Variants in EEIG2 observed in about 807,000 individuals in gnomAD.
EEIG2 encodes family with sequence similarity 102 member B.
At chr1:108,615,786 TAAAA>T in the EEIG2 span, among the ~76,000 whole-genome samples, 1 of 114,532 alleles carries the variant, frequency 8.7e-6, no homozygotes, top group African/African-American at 3.2e-5. Flanking sequence ...TCTCAAGAAT[TAAAA>T]AAAAAAAAAA....
the EEIG2 span, chr1:108,560,669 G>A: frequency 3.7e-6 from 5 of 1,351,510 alleles, no homozygotes; most frequent in African/African-American, 1.5e-5. Context: ...CCTAGGGACC[G>A]CTCTAAAATC....
At chr1:108,571,908 G>GT in the EEIG2 span, among the ~76,000 whole-genome samples, 3 of 152,018 alleles carry the variant, frequency 2.0e-5, no homozygotes, top group Non-Finnish European at 4.4e-5. Context: ...CCATTTCTCT[G>GT]TATCTTTGAT....
the EEIG2 span, among the ~76,000 whole-genome samples, chr1:108,567,156 A>G: frequency 1.7e-3 from 266 of 152,262 alleles, no homozygotes; most frequent in African/African-American, 6.0e-3. Flanking sequence ...TTAAGTAATT[A>G]AAATAAAAAA....
chr1:108,618,778 A>C, the EEIG2 span, among the ~76,000 whole-genome samples: 3 of 151,404 alleles, frequency 2.0e-5, no homozygotes, highest in Non-Finnish European at 4.4e-5. Flanking sequence ...TGGAGGTTGC[A>C]GTGAGCCAAG....
At chr1:108,610,539 G>A in the EEIG2 span, among the ~76,000 whole-genome samples, 1 of 152,208 alleles carries the variant, frequency 6.6e-6, no homozygotes, top group African/African-American at 2.4e-5. Context: ...CACTGATAAT[G>A]TGTGATCATT....
the EEIG2 span, among the ~76,000 whole-genome samples, chr1:108,574,499 C>T: frequency 6.6e-6 from 1 of 152,194 alleles, no homozygotes; most frequent in African/African-American, 2.4e-5. Context: ...GCCTGTAATC[C>T]CAGCACTTTG....
chr1:108,565,390 T>G, the EEIG2 span, among the ~76,000 whole-genome samples: 1 of 152,254 alleles, frequency 6.6e-6, no homozygotes, highest in Non-Finnish European at 1.5e-5. Flanking sequence ...TTGACCAAAA[T>G]GTCCTCATGC....
At chr1:108,636,865 A>T in the EEIG2 span, 3 of 152,186 alleles carry the variant, frequency 2.0e-5, no homozygotes, top group Non-Finnish European at 4.4e-5. Flanking sequence ...AGATATGAAG[A>T]TATTATTTAG....
chr1:108,606,285 A>G, the EEIG2 span: 1 of 1,477,784 alleles, frequency 6.8e-7, no homozygotes, highest in Non-Finnish European at 9.2e-7. Context: ...GTTTTGGAAC[A>G]TGTAATGTTG....
chr1:108,579,284 G>A, the EEIG2 span, among the ~76,000 whole-genome samples: 2 of 25,620 alleles, frequency 7.8e-5, no homozygotes, highest in African/African-American at 1.6e-4. Context: ...GGCAGTGGTT[G>A]CAATCCTAGT....
chr1:108,560,652 G>A, the EEIG2 span: 1 of 1,475,398 alleles, frequency 6.8e-7, no homozygotes, highest in African/African-American at 1.4e-5. Flanking sequence ...CCATTTGCTC[G>A]CCTTTCCCTA....
chr1:108,569,470 G>A, the EEIG2 span, among the ~76,000 whole-genome samples: 3 of 152,180 alleles, frequency 2.0e-5, no homozygotes, highest in African/African-American at 7.2e-5. Context: ...GGGGCTACAG[G>A]TGTGTGCCAC....
At chr1:108,609,734 C>A in the EEIG2 span, among the ~76,000 whole-genome samples, 1 of 152,120 alleles carries the variant, frequency 6.6e-6, no homozygotes, top group Non-Finnish European at 1.5e-5. Flanking sequence ...CCAAGAGGAA[C>A]GAGATCATGA....
At chr1:108,568,013 G>C in the EEIG2 span, among the ~76,000 whole-genome samples, 6 of 151,662 alleles carry the variant, frequency 4.0e-5, no homozygotes, top group East Asian at 7.7e-4. Flanking sequence ...AAAAAGAAAA[G>C]AAAACAAAAG....
At chr1:108,588,109 T>A in the EEIG2 span, among the ~76,000 whole-genome samples, 3 of 152,168 alleles carry the variant, frequency 2.0e-5, no homozygotes, top group Non-Finnish European at 2.9e-5. Context: ...TCCATTCATC[T>A]GTTGATGGAC....
chr1:108,560,565 G>A, the EEIG2 span: 2 of 1,609,758 alleles, frequency 1.2e-6, no homozygotes, highest in Non-Finnish European at 1.7e-6. Context: ...GAGTCCTCCA[G>A]GTAACTCGCC....
chr1:108,573,979 G>A, the EEIG2 span, among the ~76,000 whole-genome samples: 1 of 152,154 alleles, frequency 6.6e-6, no homozygotes, highest in South Asian at 2.1e-4. Flanking sequence ...CAGTATGGTG[G>A]TCCCTCAAAA....
chr1:108,616,566 C>T, the EEIG2 span: 15 of 602,562 alleles, frequency 2.5e-5, no homozygotes, highest in Non-Finnish European at 4.3e-5. Flanking sequence ...GGGAGACTGA[C>T]CTGACCCTCT....
At chr1:108,585,496 A>C in the EEIG2 span, among the ~76,000 whole-genome samples, 2 of 152,276 alleles carry the variant, frequency 1.3e-5, no homozygotes, top group East Asian at 3.9e-4. Flanking sequence ...CACTGACTGT[A>C]ATCAATATCA....
Sources: allele counts gnomAD v4.1 joint callset (sites outside exome capture counted in the v4.1 genomes callset), GRCh38; gene constraint gnomAD v4.1.1; transcripts MANE v1.5; gene names NCBI Gene and HGNC (gene_info 2026-07-23, HGNC 2026-07-21).